Variants in ARMH3 observed in about 807,000 individuals in gnomAD.
The protein encoded by ARMH3 is armadillo like helical domain containing 3.
Under a neutral mutation model 99.1 loss-of-function variants are expected in ARMH3, and 60 were observed. The ratio of observed to expected loss-of-function variants is 0.61; its 90% CI spans 0.49 to 0.75. The LOEUF is 0.75. ARMH3 is among the 30% of genes least tolerant of loss of function. ARMH3 has a pLI of 0.00. For synonymous variants in ARMH3, 285 were observed against 292.8 expected (o/e 0.97, Z 0.27); for missense variants, 679 against 843.1 (o/e 0.81, Z 2.41).
intron 23 of ARMH3, among the ~76,000 whole-genome samples, chr10:101,936,524 GA>G (rs1394989955): frequency 7.0e-6 from 1 of 142,684 alleles, no homozygotes; most frequent in Non-Finnish European, 1.5e-5. Flanking sequence ...GAAAAATGAA[GA>G]AATGAAGATG....
intron 4 of ARMH3, among the ~76,000 whole-genome samples, chr10:102,030,867 C>A (rs1253106522): frequency 6.6e-6 from 1 of 152,018 alleles, no homozygotes; most frequent in Non-Finnish European, 1.5e-5. Context: ...CTCACTGCAA[C>A]CTCCACCTCC....
At chr10:101,857,041 T>C (rs1254594282) in intron 24 of ARMH3, among the ~76,000 whole-genome samples, 4 of 151,632 alleles carry the variant, frequency 2.6e-5, no homozygotes, top group Non-Finnish European at 5.9e-5. Flanking sequence ...ACAAAGTAGG[T>C]ATACAGAAAA....
intron 19 of ARMH3, among the ~76,000 whole-genome samples, chr10:101,989,784 G>A (rs372819876): frequency 6.6e-6 from 1 of 152,268 alleles, no homozygotes; most frequent in Non-Finnish European, 1.5e-5. Context: ...CAGGAGGCAG[G>A]ACTCTCCCGG....
At chr10:101,909,007 AAAGT>A (rs1263783744) in intron 23 of ARMH3, among the ~76,000 whole-genome samples, 8 of 152,026 alleles carry the variant, frequency 5.3e-5, no homozygotes, top group Non-Finnish European at 1.0e-4. Flanking sequence ...CTAGTTTTAA[AAAGT>A]AAGTATTGAA....
intron 20 of ARMH3, among the ~76,000 whole-genome samples, chr10:101,973,608 G>A (rs1012767207): frequency 6.6e-6 from 1 of 152,092 alleles, no homozygotes; most frequent in Admixed American, 6.5e-5. Context: ...AGGCAATGTG[G>A]ACAAGACAAT....
intron 11 of ARMH3, 105 bp from the exon 12 acceptor site, chr10:102,010,128 G>C: frequency 9.5e-7 from 1 of 1,048,822 alleles, no homozygotes; most frequent in Non-Finnish European, 1.4e-6. Context: ...GCTTCCACCT[G>C]GGGAGAACTT....
chr10:102,013,379 C>G (rs1056244851), intron 9 of ARMH3, among the ~76,000 whole-genome samples: 1 of 152,172 alleles, frequency 6.6e-6, no homozygotes, highest in Non-Finnish European at 1.5e-5. Flanking sequence ...ATGCATAACA[C>G]AAAGATCAAT....
At chr10:101,950,255 A>G (rs1171396356) in intron 22 of ARMH3, among the ~76,000 whole-genome samples, 2 of 152,236 alleles carry the variant, frequency 1.3e-5, no homozygotes, top group African/African-American at 2.4e-5. Flanking sequence ...AATAAACCCA[A>G]TAAGTGAGAT....
chr10:101,976,433 C>T (rs1254033943), intron 19 of ARMH3, among the ~76,000 whole-genome samples: 2 of 150,936 alleles, frequency 1.3e-5, no homozygotes, highest in Non-Finnish European at 2.9e-5. Flanking sequence ...CACACGCAAT[C>T]ACATACTGCT....
At chr10:101,871,622 C>A (rs1243643422) in intron 24 of ARMH3, among the ~76,000 whole-genome samples, 1 of 152,038 alleles carries the variant, frequency 6.6e-6, no homozygotes, top group African/African-American at 2.4e-5. Flanking sequence ...GGGGAAAGAA[C>A]ATTTACCACA....
At chr10:101,992,402 TA>T (rs555193705) in intron 17 of ARMH3, among the ~76,000 whole-genome samples, 50 of 149,590 alleles carry the variant, frequency 3.3e-4, no homozygotes, top group South Asian at 1.5e-3. Flanking sequence ...ATAATAATAA[TA>T]AAAAAAAGAG....
chr10:101,868,626 C>A (rs2067061327), intron 24 of ARMH3, among the ~76,000 whole-genome samples: 1 of 152,160 alleles, frequency 6.6e-6, no homozygotes, highest in African/African-American at 2.4e-5. Context: ...TGAGGAAGAT[C>A]TTTATGACCC....
chr10:102,014,745 T>C (rs1435768885), intron 8 of ARMH3, among the ~76,000 whole-genome samples: 1 of 152,176 alleles, frequency 6.6e-6, no homozygotes, highest in Non-Finnish European at 1.5e-5. Flanking sequence ...CCAGACCCAA[T>C]CTCAGTTGGG....
intron 23 of ARMH3, among the ~76,000 whole-genome samples, chr10:101,911,617 G>T (rs1408435682): frequency 3.3e-5 from 5 of 152,166 alleles, no homozygotes; most frequent in Non-Finnish European, 7.3e-5. Flanking sequence ...TGTAGTCCCA[G>T]CTACTCAGGA....
chr10:101,862,091 G>A lies in ARMH3; in HGVS notation c.1861-12199C>T, dbSNP rs552211619. On this transcript the variant is annotated intron_variant, in intron 24 of 25. Transcript: ENST00000370033. ...AAAAAAAAGATGTTCTTTGGCAGAA[G>A]GAAACTTATATCACCTGTATCTATA... 9.5e-5 allele frequency among the ~76,000 whole-genome samples: 14 copies of A among 147,194 alleles called. No homozygotes were observed. In the East Asian group the frequency reaches 2.7e-3, roughly 29 times the overall value.
chr10:101,923,296 T>C (rs946637257), intron 23 of ARMH3, among the ~76,000 whole-genome samples: 3 of 152,214 alleles, frequency 2.0e-5, no homozygotes, highest in Non-Finnish European at 4.4e-5. Flanking sequence ...ATTAGGCTGA[T>C]AGCACAGTAA....
intron 6 of ARMH3, among the ~76,000 whole-genome samples, chr10:102,024,724 C>T (rs1564859982): frequency 6.6e-6 from 1 of 150,880 alleles, no homozygotes; most frequent in African/African-American, 2.4e-5. Context: ...GAGGCTGAGG[C>T]AGGAGAATTG....
intron 23 of ARMH3, among the ~76,000 whole-genome samples, chr10:101,931,087 G>T (rs917570522): frequency 2.0e-5 from 3 of 152,126 alleles, no homozygotes; most frequent in Non-Finnish European, 4.4e-5. Context: ...CTCTTAAACA[G>T]CAGAGGAATG....
intron 24 of ARMH3, among the ~76,000 whole-genome samples, chr10:101,884,781 AAAAC>A (rs1015152048): frequency 1.6e-4 from 18 of 110,680 alleles, no homozygotes; most frequent in East Asian, 1.2e-3. Flanking sequence ...AAAACAAAAC[AAAAC>A]AAACAAACAA....
Sources: gnomAD v4.1 joint callset for allele counts (sites outside exome capture counted in the v4.1 genomes callset) on GRCh38, gnomAD v4.1.1 for gene constraint, MANE v1.5 for transcripts, NCBI Gene and HGNC (gene_info 2026-07-23, HGNC 2026-07-21) for gene names.